Variants in MAPK8IP3 observed in about 807,000 individuals in gnomAD.
The protein encoded by MAPK8IP3 is C-Jun-amino-terminal kinase-interacting protein 3.
In MAPK8IP3, 49 loss-of-function variants were observed where a neutral mutation model predicts 157.8. The ratio of observed to expected loss-of-function variants is 0.31; its 90% confidence interval spans 0.25 to 0.39. The LOEUF (loss-of-function observed/expected upper bound fraction) is 0.39. Ranked by LOEUF, MAPK8IP3 falls within the 10% of genes least tolerant of loss-of-function variation. The pLI is 1.00. For synonymous variants in MAPK8IP3, 897 were observed against 777.7 expected (o/e 1.15, Z -2.55); for missense variants, 1,478 against 1,889.4 (o/e 0.78, Z 4.04).
chr16:1,767,848 G>T lies in MAPK8IP3; in HGVS notation c.3453G>T (p.Leu1151=). 1 of 1,611,368 alleles carries T rather than the reference G, an allele frequency of 6.2e-7. No individual in the cohort carries two copies. Among genetic ancestry groups the T allele is most frequent in the Non-Finnish European group, 8.5e-7 (1 of 1,179,938 alleles). The change falls in exon 28 of 32, where the codon CTG becomes CTT. Residue 1151 remains leucine (L), a synonymous_variant. Transcript: ENST00000610761. The part of the protein sequence containing the change: ...LGFSFVRITA[L]LVAGSRLWVG... The stretch of plus-strand genomic sequence containing the variant: ...TCTCCTTCGTACGCATCACGGCCCT[G>T]CTTGTCGCGGGCAGCCGGCTCTGGG...
At chr16:1,736,806 G>C (rs1223921929) in intron 4 of MAPK8IP3, among the ~76,000 whole-genome samples, 1 of 75,072 alleles carries the variant, frequency 1.3e-5, no homozygotes, top group Non-Finnish European at 2.5e-5. Context: ...CCGTGTGAGC[G>C]TGTGACCGTC....
At position 1,762,894 on chromosome 16, in the gene MAPK8IP3, T is replaced by C. The variant is rs543503183; in HGVS notation, c.1786T>C (p.Ser596Pro). The change falls in exon 16 of 32, where the codon TCG (serine) becomes CCG (proline). Residue 596 changes from serine to proline, a missense_variant. Physicochemically the swap from Ser to Pro is moderately conservative, Grantham distance 74. Around this residue, in one of 11 missense-constraint regions of MAPK8IP3, gnomAD observed 669 missense variants for 759.8 expected, o/e 0.88. Coordinates refer to ENST00000610761, the MANE Select transcript of MAPK8IP3 (RefSeq NM_001318852.2). ...SPPPAKRPYP[S>P]VNIHYKSPTT... is the part of the protein sequence containing the mutation. ...CCCTCCGGCCAAGCGCCCCTATCCC[T>C]CGGTGAACATCCACTACAAGTCACC... is the stretch of plus-strand genomic sequence containing the variant. The C allele has an allele frequency of 1.4e-5, 22 of 1,612,814 alleles. No homozygotes were observed. The highest frequency in any genetic ancestry group is 1.9e-5 in the Non-Finnish European group (22 of 1,179,886).
Position 1,748,237 on chromosome 16 carries a change from C to T in MAPK8IP3, c.995-7C>T. ...CTGACCCCAGGTGCCCCTGTGCTCT[C>T]CCCTAGGCATGGGCAGCAGTGACGA... On this transcript the variant is annotated splice_region_variant and splice_polypyrimidine_tract_variant and intron_variant, in intron 6 of 31. Coordinates refer to ENST00000610761, the MANE Select transcript of MAPK8IP3 (RefSeq NM_001318852.2). 1 of 1,609,440 alleles carries T rather than the reference C, an allele frequency of 6.2e-7. No individual in the cohort carries two copies. Among genetic ancestry groups the T allele is most frequent in the Non-Finnish European group, 8.5e-7 (1 of 1,175,994 alleles).
chr16:1,717,921 A>G (rs34241708), intron 1 of MAPK8IP3, among the ~76,000 whole-genome samples: 20,406 of 151,280 alleles, frequency 0.13, 2,183 homozygotes, highest in African/African-American at 0.3. Flanking sequence ...GCACGATCTC[A>G]GCTCACTGCA....
At chr16:1,758,831 C>T in intron 9 of MAPK8IP3, 147 bp from the exon 10 acceptor site, 2 of 769,720 alleles carry the variant, frequency 2.6e-6, no homozygotes, top group Non-Finnish European at 4.5e-6. Context: ...TAACTCCCTC[C>T]TGCACCCACC....
intron 4 of MAPK8IP3, among the ~76,000 whole-genome samples, chr16:1,735,636 TC>T (rs1332783608): frequency 2.4e-4 from 35 of 146,846 alleles, no homozygotes; most frequent in Admixed American, 2.3e-3. Context: ...CGTGTGACTG[TC>T]CATGTGAGTG....
chr16:1,762,534 G>T, intron 14 of MAPK8IP3, 53 bp downstream of exon 14: 1 of 1,603,932 alleles, frequency 6.2e-7, no homozygotes, highest in South Asian at 1.1e-5. Context: ...CTGACGGCAG[G>T]ACTGCGGCTC....
chr16:1,763,560 C>A, intron 16 of MAPK8IP3, 97 bp from the exon 17 acceptor site: 1 of 1,362,368 alleles, frequency 7.3e-7, no homozygotes, highest in African/African-American at 1.5e-5. Flanking sequence ...TGGGCCCAGG[C>A]GGGCCTCCCT....
intron 9 of MAPK8IP3, 124 bp downstream of exon 9, chr16:1,758,283 C>T (rs1370631703): frequency 3.5e-6 from 4 of 1,131,092 alleles, no homozygotes; most frequent in African/African-American, 3.1e-5. Flanking sequence ...GCCGCAGCGC[C>T]TCTGCTTCTG....
chr16:1,766,099 C>T lies in MAPK8IP3; in HGVS notation c.2586C>T (p.Asn862=), dbSNP rs368539513. ...CCCGCTGCAACGTGCCGCGGAGCAACTGCTCCTCCCGAGGGGACACCCCAG... is the reference window on the plus strand; with the variant it reads ...CCCGCTGCAACGTGCCGCGGAGCAATTGCTCCTCCCGAGGGGACACCCCAG... ...CATRCNVPRS[N]CSSRGDTPVL... Residue 862 remains asparagine (N), a synonymous_variant, in exon 21 of 32, where the codon AAC becomes AAT. Coordinates refer to ENST00000610761, the MANE Select transcript of MAPK8IP3 (RefSeq NM_001318852.2). 1.9e-6 allele frequency: 3 copies of T among 1,612,604 alleles called. No homozygotes were observed. The highest frequency in any genetic ancestry group is 2.2e-5 in the East Asian group (1 of 44,886).
At chr16:1,767,433 A>ACAGGCGCAAAG in intron 26 of MAPK8IP3, 131 bp from the exon 27 acceptor site, 1 of 1,499,148 alleles carries the variant, frequency 6.7e-7, no homozygotes, top group Non-Finnish European at 9.1e-7. Flanking sequence ...TCAGGCTCGA[A>ACAGGCGCAAAG]CAGGCGCAAA....
chr16:1,748,998 C>A lies in MAPK8IP3; in HGVS notation c.1216+278C>A, dbSNP rs111673005. On this transcript the variant is annotated intron_variant, in intron 8 of 31. Transcript: ENST00000610761. ...CACCCTCCCGTGTACTCTAAATCAC[C>A]TCTAGGTTATGTTGTAGATGCTGTG... 51 of 529,952 alleles carry A rather than the reference C, an allele frequency of 9.6e-5. 1 individual carries two copies. The highest frequency in any genetic ancestry group is 8.4e-4 in the African/African-American group (44 of 52,326). 32.8% of individuals were successfully genotyped at this position (529,952 alleles called of 1,614,324 possible). A position where few individuals can be genotyped will look rare whatever the true frequency, so the allele number is the denominator to read the frequency against.
chr16:1,737,259 CGT>C (rs1451228530), intron 4 of MAPK8IP3, among the ~76,000 whole-genome samples: 1 of 88,536 alleles, frequency 1.1e-5, no homozygotes, highest in African/African-American at 5.1e-5. Context: ...TGTGAGCGTC[CGT>C]GTGAGCGTGT....
chr16:1,740,317 C>T (rs533657690), intron 4 of MAPK8IP3, among the ~76,000 whole-genome samples: 6 of 142,742 alleles, frequency 4.2e-5, no homozygotes, highest in South Asian at 4.7e-4. Context: ...TGTGATCATC[C>T]GTAACCGTGT....
At chr16:1,764,246 CGAGCGGGAGGCTGGG>C (rs756684198) in intron 18 of MAPK8IP3, 36 bp downstream of exon 18, 1 of 1,600,482 alleles carries the variant, frequency 6.2e-7, no homozygotes, top group Non-Finnish European at 8.5e-7. Context: ...GCTGGCTGGG[CGAGCGGGAGGCTGGG>C]GAGTGCCGGT....
chr16:1,735,716 CGTGTGACCGTCCATGTGAGA>C (rs1171466663), intron 4 of MAPK8IP3, among the ~76,000 whole-genome samples: 6 of 113,696 alleles, frequency 5.3e-5, no homozygotes, highest in South Asian at 3.2e-4. Flanking sequence ...TGTGAGCATC[CGTGTGACCGTCCATGTGAGA>C]GTGTGACCGT....
rs2037378920 is a variant in MAPK8IP3, at chr16:1,706,269, C to G, written c.-71C>G. On this transcript the variant is annotated 5_prime_UTR_variant, in exon 1 of 32. Transcript: ENST00000610761. The surrounding 1 kb of genome is among the most constrained non-coding windows in gnomAD (Gnocchi z 5.1). ...AGGCGACGGGCTGCGGCCTGCGGAA[C>G]CTGAGGCAGCTGGGGAGGGCCGGGC... The G allele has an allele frequency of 1.4e-6, 2 of 1,397,516 alleles. No homozygotes were observed. The highest frequency in any genetic ancestry group is 5.4e-5 in the East Asian group (2 of 36,702). The allele number at this position is 1,397,516 out of a possible 1,614,324, so 86.6% of individuals were successfully genotyped here.
At chr16:1,764,241 C>T (rs776326665) in intron 18 of MAPK8IP3, 31 bp downstream of exon 18, 28 of 1,602,820 alleles carry the variant, frequency 1.7e-5, no homozygotes, top group Non-Finnish European at 2.4e-5. Context: ...CTCAGGCTGG[C>T]TGGGCGAGCG....
chr16:1,764,120 T>C lies in MAPK8IP3; in HGVS notation c.2031T>C (p.Ser677=). 1.2e-6 allele frequency: 2 copies of C among 1,608,382 alleles called. No individual in the cohort carries two copies. Among genetic ancestry groups the C allele is most frequent in the Non-Finnish European group, 1.7e-6 (2 of 1,177,952 alleles). ...WSLPAKYKQL[S]PNGGQEDTRM... ...CGCCTCCCTGCTCCCTGCAGCTGAG[T>C]CCCAACGGGGGCCAGGAGGACACGC... Residue 677 remains serine (S), a synonymous_variant, in exon 18 of 32, where the codon AGT becomes AGC. Transcript: ENST00000610761.
Sources: gnomAD v4.1 joint callset for allele counts (sites outside exome capture counted in the v4.1 genomes callset) on GRCh38, gnomAD v4.1.1 for gene constraint, gnomAD v4.1.1 regional missense constraint, Gnocchi (gnomAD v3.1) non-coding constraint, MANE v1.5 for transcripts, NCBI Gene and HGNC (gene_info 2026-07-23, HGNC 2026-07-21) for gene names.